The following PXDNL variants were observed in gnomAD, a reference collection of about 807,000 sequenced individuals.
PXDNL encodes peroxidasin like.
A neutral mutation model predicts 150.8 loss-of-function variants in PXDNL; 145 were observed. The observed-to-expected ratio is 0.96, with a 90% confidence interval of 0.84 to 1.10. The LOEUF is 1.10. PXDNL is among the 50% of genes least tolerant of loss of function. The pLI is 0.00. For missense variants in PXDNL, 2,087 were observed against 1,873.9 expected, an observed-to-expected ratio of 1.11 and a Z score of -2.10; for synonymous variants, 757 against 725.7, an observed-to-expected ratio of 1.04 and a Z score of -0.69.
chr8:51,663,606 G>A (rs1419989497), intron 1 of PXDNL, among the ~76,000 whole-genome samples: 1 of 152,168 alleles, frequency 6.6e-6, no homozygotes, highest in Admixed American at 6.5e-5. Flanking sequence ...AGAACATTGC[G>A]GTTTTGACGG....
chr8:51,337,771 C>T (rs1433764364), intron 21 of PXDNL, among the ~76,000 whole-genome samples: 1 of 151,022 alleles, frequency 6.6e-6, no homozygotes, highest in South Asian at 2.1e-4. Context: ...CCCAGCTACA[C>T]GGGAGGCTGA....
intron 4 of PXDNL, among the ~76,000 whole-genome samples, chr8:51,510,195 G>A (rs868544926): frequency 6.6e-6 from 1 of 152,094 alleles, no homozygotes; most frequent in Admixed American, 6.5e-5. Context: ...CAGAGCCAGC[G>A]AGAGAAGGAG....
intron 8 of PXDNL, among the ~76,000 whole-genome samples, chr8:51,459,004 A>C (rs1054946661): frequency 6.6e-6 from 1 of 152,254 alleles, no homozygotes; most frequent in Non-Finnish European, 1.5e-5. Flanking sequence ...GATTAGTTTC[A>C]GAAAAAACAG....
At chr8:51,560,320 A>G (rs1026933620) in intron 3 of PXDNL, among the ~76,000 whole-genome samples, 1 of 151,998 alleles carries the variant, frequency 6.6e-6, no homozygotes, top group Non-Finnish European at 1.5e-5. Context: ...ATCTCATCCT[A>G]AAATCTATGT....
intron 12 of PXDNL, among the ~76,000 whole-genome samples, chr8:51,445,778 T>A (rs569638627): frequency 2.6e-4 from 39 of 152,322 alleles, no homozygotes; most frequent in African/African-American, 9.4e-4. Context: ...AATTTTTGGA[T>A]TTTAGTTGAA....
At position 51,475,030 on chromosome 8, in the gene PXDNL, A is replaced by T. The variant is rs1354835063; in HGVS notation, c.636T>A (p.Tyr212Ter). 1 of 1,612,690 alleles carries T rather than the reference A, an allele frequency of 6.2e-7. No individual in the cohort carries two copies. Among genetic ancestry groups the T allele is most frequent in the East Asian group, 2.2e-5 (1 of 44,858 alleles). The change falls in exon 7 of 23, where the codon TAT (tyrosine) becomes TAA (stop). Residue 212 changes from tyrosine (Y) to a stop codon, truncating the protein, a stop_gained. Transcript: ENST00000356297. LOFTEE classifies it high-confidence loss of function. The part of the protein sequence containing the change: ...GHTQAAATCE[Y>*]PRRLHGRAVA... ...CTGCACGCCCATGGAGTCTCCTGGG[A>T]TATTCGCAGGTAGCCGCAGCCTGGG...
rs544475791 is a variant in PXDNL at position 51,374,703 on chromosome 8, G to A, written c.3586C>T (p.Leu1196Phe). 1.9e-6 allele frequency: 3 copies of A among 1,613,872 alleles called. No homozygotes were observed. Among genetic ancestry groups the A allele is most frequent in the South Asian group, 2.2e-5 (2 of 91,068 alleles). Residue 1196 changes from leucine (L) to phenylalanine (F), a missense_variant, in exon 18 of 23, where the codon CTC becomes TTC. By Grantham distance (22) the Leu-to-Phe change is conservative (BLOSUM62 0). Coordinates refer to ENST00000356297, the MANE Select transcript of PXDNL (RefSeq NM_144651.5). The part of the protein sequence containing the change: ...KLYGSPGDID[L>F]WPALMVEDLI... ...TCTTCAACCATAAGGGCGGGCCAGA[G>A]GTCAATGTCACCTGGAGAGCCGTAC...
At chr8:51,534,376 G>T (rs1297069187) in intron 4 of PXDNL, among the ~76,000 whole-genome samples, 2 of 144,072 alleles carry the variant, frequency 1.4e-5, no homozygotes, top group African/African-American at 2.7e-5. Context: ...CCCCCGCCAG[G>T]CCAGCCGCCC....
intron 1 of PXDNL, among the ~76,000 whole-genome samples, chr8:51,709,300 G>C (rs1318231989): frequency 2.0e-5 from 3 of 151,610 alleles, no homozygotes; most frequent in Non-Finnish European, 4.4e-5. Context: ...TGTTGCCCAG[G>C]CTGGAGTGCA....
rs1045501177 is a variant in PXDNL at position 51,412,362 on chromosome 8, T to C, written c.1904+788A>G. On this transcript the variant is annotated intron_variant, in intron 15 of 22. Coordinates refer to ENST00000356297, the MANE Select transcript of PXDNL (RefSeq NM_144651.5). ...ATCCATGAAGTAGATCCTACTGTTATCCCAACTTTAGAGAGCAAGGAGCCT... is the reference window on the plus strand; with the variant it reads ...ATCCATGAAGTAGATCCTACTGTTACCCCAACTTTAGAGAGCAAGGAGCCT... 5.3e-5 allele frequency among the ~76,000 whole-genome samples: 8 copies of C among 152,334 alleles called. 1 individual carries two copies. The highest frequency in any genetic ancestry group is 6.8e-3 in the Middle Eastern group (2 of 294).
chr8:51,708,629 A>T (rs1816433603), intron 1 of PXDNL, among the ~76,000 whole-genome samples: 1 of 152,214 alleles, frequency 6.6e-6, no homozygotes. Flanking sequence ...ATACGGAAGA[A>T]AAATAATGGA....
At chr8:51,651,122 C>G (rs547160456) in intron 2 of PXDNL, among the ~76,000 whole-genome samples, 2 of 152,070 alleles carry the variant, frequency 1.3e-5, no homozygotes, top group Admixed American at 6.5e-5. Flanking sequence ...TAATTTAATG[C>G]CATTTAACAA....
At chr8:51,599,419 T>G (rs752997111) in intron 2 of PXDNL, among the ~76,000 whole-genome samples, 20 of 151,678 alleles carry the variant, frequency 1.3e-4, no homozygotes, top group Non-Finnish European at 2.9e-4. Flanking sequence ...ATATGTTATG[T>G]ATCTGTTTTT....
intron 2 of PXDNL, among the ~76,000 whole-genome samples, chr8:51,633,224 A>T (rs976109544): frequency 6.6e-6 from 1 of 152,226 alleles, no homozygotes; most frequent in Non-Finnish European, 1.5e-5. Flanking sequence ...TGCAAAGGAC[A>T]TGATTTCATT....
intron 1 of PXDNL, among the ~76,000 whole-genome samples, chr8:51,693,157 AAAAAGAAATACCATG>A (rs1816036128): frequency 6.6e-6 from 1 of 152,230 alleles, no homozygotes; most frequent in Non-Finnish European, 1.5e-5. Flanking sequence ...ATTCTAACAT[AAAAAGAAATACCATG>A]AAAGTTGCAG....
At chr8:51,696,718 CACACATCCACACACAG>C (rs1563510043) in intron 1 of PXDNL, among the ~76,000 whole-genome samples, 3 of 150,004 alleles carry the variant, frequency 2.0e-5, no homozygotes, top group African/African-American at 2.5e-5. Flanking sequence ...CACAGGTTCA[CACACATCCACACACAG>C]GTCCACACAC....
intron 1 of PXDNL, among the ~76,000 whole-genome samples, chr8:51,788,600 C>A (rs1012127726): frequency 6.6e-6 from 1 of 152,142 alleles, no homozygotes; most frequent in Non-Finnish European, 1.5e-5. Flanking sequence ...AGTCTGGAAT[C>A]TCTCTCAGGG....
chr8:51,355,106 T>C (rs1019726714), intron 19 of PXDNL, among the ~76,000 whole-genome samples: 2 of 152,184 alleles, frequency 1.3e-5, no homozygotes, highest in Admixed American at 1.3e-4. Context: ...CTGAGATCAC[T>C]GTTGCAATGT....
Position 51,400,450 on chromosome 8 carries a change from A to G in PXDNL, c.3557+7617T>C, listed in dbSNP as rs1331849722. On this transcript the variant is annotated intron_variant, in intron 17 of 22. Transcript: ENST00000356297. ...GATGCTCAACCTGTTTATAACTTCT[A>G]AAACGCGTTACTAAGACTCACCACT... 2.0e-5 allele frequency among the ~76,000 whole-genome samples: 3 copies of G among 152,082 alleles called. No individual in the cohort carries two copies. In the East Asian group the frequency reaches 5.8e-4, roughly 29 times the overall value.
Sources: gnomAD v4.1 joint callset for allele counts (sites outside exome capture counted in the v4.1 genomes callset) on GRCh38, gnomAD v4.1.1 for gene constraint, MANE v1.5 for transcripts, NCBI Gene and HGNC (gene_info 2026-07-23, HGNC 2026-07-21) for gene names.